Variants in PCDH15 observed in about 807,000 individuals in gnomAD.
PCDH15 encodes protocadherin related 15.
PCDH15 carries 129 observed loss-of-function variants against 178.5 expected under a neutral mutation model. The ratio of observed to expected loss-of-function variants is 0.72; its 90% confidence interval spans 0.63 to 0.84. The LOEUF (loss-of-function observed/expected upper bound fraction) is 0.84. PCDH15 is among the 40% of genes least tolerant of loss of function. The probability of loss-of-function intolerance (pLI) is 0.00; values close to 1 mark genes in which losing one functional copy is unlikely to be tolerated. For synonymous variants in PCDH15, 800 were observed against 732.0 expected (o/e 1.09, Z -1.50); for missense variants, 2,230 against 2,099.9 (o/e 1.06, Z -1.21).
intron 2 of PCDH15, among the ~76,000 whole-genome samples, chr10:55,034,956 G>A (rs1840698444): frequency 6.6e-6 from 1 of 152,140 alleles, no homozygotes; most frequent in Admixed American, 6.5e-5. Context: ...AGAAGAGGCT[G>A]ATAATAATAG....
intron 2 of PCDH15, among the ~76,000 whole-genome samples, chr10:55,523,605 C>A (rs1342319762): frequency 6.6e-6 from 1 of 151,642 alleles, no homozygotes; most frequent in Non-Finnish European, 1.5e-5. Context: ...TTCTGTCTAT[C>A]TGAAACTTTG....
chr10:55,503,161 A>C (rs1840691428), intron 2 of PCDH15, among the ~76,000 whole-genome samples: 1 of 151,276 alleles, frequency 6.6e-6, no homozygotes, highest in Admixed American at 6.6e-5. Flanking sequence ...TTATGAGTTA[A>C]GTTCTAGGTT....
rs546338406 is a variant in PCDH15 at position 54,775,615 on chromosome 10, C to T, written c.-29+25310G>A. Among the ~76,000 whole-genome samples, 62 of 152,204 alleles carry T rather than the reference C, an allele frequency of 4.1e-4. No homozygotes were observed. The South Asian group carries it at 0.011, about 28-fold the overall frequency. The stretch of plus-strand genomic sequence containing the variant: ...ATTTTGTGTTCCTTAACAAATATCT[C>T]GGCCGGGCGCGGTGGCTCACGCTTG... On this transcript the variant is annotated intron_variant, in intron 1 of 37. Transcript: ENST00000644397.
At position 55,254,098 on chromosome 10, in the gene PCDH15, T is replaced by A. The variant is rs554377987; in HGVS notation, c.-156+65501A>T. Reference sequence around the variant, plus strand: ...AGGCATGAAAACGCATTTATTACAGTTGTAAAATTTATAACATATGATAGC... The same window carrying A: ...AGGCATGAAAACGCATTTATTACAGATGTAAAATTTATAACATATGATAGC... On this transcript the variant is annotated intron_variant, in intron 1 of 5. Transcript: ENST00000458638. Among the ~76,000 whole-genome samples the A allele has an allele frequency of 1.3e-4, 20 of 152,256 alleles. No individual in the cohort carries two copies. The South Asian group carries it at 3.7e-3, about 28-fold the overall frequency.
At chr10:54,497,288 A>T (rs910600798) in intron 3 of PCDH15, among the ~76,000 whole-genome samples, 1 of 151,954 alleles carries the variant, frequency 6.6e-6, no homozygotes, top group Non-Finnish European at 1.5e-5. Context: ...ATAAAAGCAC[A>T]AATCCCCATC....
chr10:54,457,469 C>T (rs1227913997), intron 3 of PCDH15, among the ~76,000 whole-genome samples: 1 of 152,152 alleles, frequency 6.6e-6, no homozygotes, highest in Non-Finnish European at 1.5e-5. Flanking sequence ...TCCTATATTG[C>T]ACCATTTCAG....
chr10:55,319,570 G>A (rs1843830871), intron 1 of PCDH15: 1 of 152,162 alleles, frequency 6.6e-6, no homozygotes, highest in Non-Finnish European at 1.5e-5. Flanking sequence ...ATGGAGGGAG[G>A]ACACAGACAC....
At chr10:54,961,753 G>A (rs893428864) in intron 2 of PCDH15, among the ~76,000 whole-genome samples, 1 of 152,006 alleles carries the variant, frequency 6.6e-6, no homozygotes, top group Non-Finnish European at 1.5e-5. Flanking sequence ...CCTGCAGAAA[G>A]GTCCTAATCA....
intron 26 of PCDH15, among the ~76,000 whole-genome samples, chr10:53,871,974 C>A (rs1178474248): frequency 6.6e-6 from 1 of 152,060 alleles, no homozygotes; most frequent in Non-Finnish European, 1.5e-5. Flanking sequence ...GGAGAAACCC[C>A]GTCTCTACTA....
intron 6 of PCDH15, among the ~76,000 whole-genome samples, chr10:54,345,822 A>T (rs898242258): frequency 6.9e-6 from 1 of 144,366 alleles, no homozygotes; most frequent in Non-Finnish European, 1.5e-5. Context: ...AAAAAAAAAA[A>T]AAAAAAAAAA....
intron 1 of PCDH15, among the ~76,000 whole-genome samples, chr10:55,249,439 T>C (rs1841775290): frequency 6.6e-6 from 1 of 152,154 alleles, no homozygotes; most frequent in Non-Finnish European, 1.5e-5. Context: ...TATTTAATAC[T>C]CTAAAAAGGG....
chr10:55,417,620 T>C (rs542458711), intron 2 of PCDH15, among the ~76,000 whole-genome samples: 53 of 151,792 alleles, frequency 3.5e-4, no homozygotes, highest in African/African-American at 1.3e-3. Flanking sequence ...AAATTATTCA[T>C]AAAGCTAGGA....
chr10:53,889,075 A>C (rs1490828172), intron 26 of PCDH15, among the ~76,000 whole-genome samples: 9 of 151,854 alleles, frequency 5.9e-5, no homozygotes, highest in Non-Finnish European at 1.5e-5. Context: ...CACACAAAAA[A>C]ATCCCATATG....
At chr10:54,274,650 GTGTGTGTC>G (rs1262123325) in intron 8 of PCDH15, among the ~76,000 whole-genome samples, 15 of 150,062 alleles carry the variant, frequency 1.0e-4, no homozygotes, top group Non-Finnish European at 2.1e-4. Flanking sequence ...GTGTGTGTGT[GTGTGTGTC>G]TAAAGTCACC....
intron 2 of PCDH15, among the ~76,000 whole-genome samples, chr10:55,020,658 C>T (rs1245763693): frequency 6.6e-6 from 1 of 152,084 alleles, no homozygotes; most frequent in South Asian, 2.1e-4. Flanking sequence ...GGAACTGGGT[C>T]ACACAAATCT....
At chr10:54,774,048 A>G (rs1949411762) in intron 1 of PCDH15, among the ~76,000 whole-genome samples, 1 of 41,592 alleles carries the variant, frequency 2.4e-5, no homozygotes, top group Admixed American at 3.5e-4. Flanking sequence ...TTTTTTTTTG[A>G]GACGGAGTCT....
intron 2 of PCDH15, among the ~76,000 whole-genome samples, chr10:55,353,556 G>A (rs1298427137): frequency 6.6e-6 from 1 of 152,072 alleles, no homozygotes; most frequent in Non-Finnish European, 1.5e-5. Context: ...TGAAAGAGCA[G>A]GCAAGTGTAT....
intron 2 of PCDH15, among the ~76,000 whole-genome samples, chr10:55,444,686 C>G (rs1839276058): frequency 6.6e-6 from 1 of 152,068 alleles, no homozygotes; most frequent in Non-Finnish European, 1.5e-5. Flanking sequence ...AAGAAGAAAT[C>G]TAAATCCAGC....
chr10:54,279,840 G>A (rs192526993), intron 8 of PCDH15, among the ~76,000 whole-genome samples: 30 of 151,774 alleles, frequency 2.0e-4, no homozygotes, highest in East Asian at 1.9e-3. Context: ...AGGTGACTGC[G>A]CATGGTAGAC....
Sources: gnomAD v4.1 joint callset for allele counts (sites outside exome capture counted in the v4.1 genomes callset) on GRCh38, gnomAD v4.1.1 for gene constraint, MANE v1.5 for transcripts, NCBI Gene and HGNC (gene_info 2026-07-23, HGNC 2026-07-21) for gene names.